Variants in TIAM1 observed in about 807,000 individuals in gnomAD.
TIAM1 encodes the protein TIAM Rac1 associated GEF 1, also known as rho guanine nucleotide exchange factor TIAM1.
TIAM1 carries 65 observed loss-of-function variants against 163.5 expected under a neutral mutation model. The observed-to-expected ratio is 0.40, with a 90% CI of 0.33 to 0.49. TIAM1 has a LOEUF of 0.49. TIAM1 is among the 20% of genes least tolerant of loss of function. The pLI, the probability that TIAM1 is intolerant of heterozygous loss-of-function variation, is 0.77. For synonymous variants in TIAM1, 833 were observed against 810.1 expected, an observed-to-expected ratio of 1.03 and a Z score of -0.48; for missense variants, 1,789 against 2,044.7, an observed-to-expected ratio of 0.87 and a Z score of 2.41.
At chr21:31,491,935 T>A (rs149219576) in intron 1 of TIAM1, among the ~76,000 whole-genome samples, 9 of 152,310 alleles carry the variant, frequency 5.9e-5, no homozygotes, top group African/African-American at 1.9e-4. Flanking sequence ...AAACAAAAGA[T>A]AACACCATCT....
At chr21:31,523,141 T>A (rs2047662277) in intron 1 of TIAM1, among the ~76,000 whole-genome samples, 1 of 152,226 alleles carries the variant, frequency 6.6e-6, no homozygotes, top group East Asian at 1.9e-4. Context: ...CAAAGAGAGG[T>A]AAATCAAACA....
intron 6 of TIAM1, among the ~76,000 whole-genome samples, chr21:31,230,449 T>C (rs1206694819): frequency 6.6e-6 from 1 of 152,140 alleles, no homozygotes; most frequent in Non-Finnish European, 1.5e-5. Flanking sequence ...TTGTTTAATA[T>C]GACATACTGA....
At chr21:31,234,208 T>C (rs1279332917) in intron 6 of TIAM1, among the ~76,000 whole-genome samples, 1 of 150,342 alleles carries the variant, frequency 6.7e-6, no homozygotes, top group Admixed American at 6.6e-5. Flanking sequence ...AAAGCTTCCC[T>C]AAAATCTACA....
Position 31,171,035 on chromosome 21 carries a change from C to CAAAAAAA in TIAM1, c.2888-5977_2888-5971dup, listed in dbSNP as rs34291568. 6.1e-4 allele frequency among the ~76,000 whole-genome samples: 12 copies of CAAAAAAA among 19,572 alleles called. 1 individual carries two copies. The highest frequency in any genetic ancestry group is 1.2e-3 in the African/African-American group (12 of 10,038). 12.8% of individuals were successfully genotyped at this position (19,572 alleles called of 152,430 possible). On this transcript the variant is annotated intron_variant, in intron 15 of 27. Coordinates refer to ENST00000541036, the MANE Select transcript of TIAM1 (RefSeq NM_001353694.2). ...TGGGTGACAGAGTGAGACTCCATCT[C>CAAAAAAA]AAAAAAAAAAAAAAAAAAAAAAAAA...
rs748195925 is a variant in TIAM1, at chr21:31,130,220, C to G, written c.4038G>C (p.Ala1346=). 6.2e-7 allele frequency: 1 copy of G among 1,614,006 alleles called. No individual in the cohort carries two copies. The highest frequency in any genetic ancestry group is 1.7e-5 in the Admixed American group (1 of 60,016). ...GCACAGGTGAGAGTTTACCTGCACT[C>G]GCCAAAGCTCGAACCTGCAGCGCTT... ...PTEALQVRAL[A]SADAEANAVC... is the part of the protein sequence containing the mutation. The change falls in exon 25 of 28, where the codon GCG becomes GCC. Residue 1346 remains alanine, a synonymous_variant. Coordinates refer to ENST00000541036, the MANE Select transcript of TIAM1 (RefSeq NM_001353694.2).
At chr21:31,200,203 G>C (rs189492976) in intron 12 of TIAM1, among the ~76,000 whole-genome samples, 45 of 152,266 alleles carry the variant, frequency 3.0e-4, no homozygotes, top group African/African-American at 9.4e-4. Flanking sequence ...TGGGTGTGGT[G>C]GTGGGCAACT....
At position 31,329,716 on chromosome 21, in the gene TIAM1, TGAG is replaced by T. The variant is rs1294762486; in HGVS notation, c.-189+9524_-189+9526del. On this transcript the variant is annotated intron_variant, in intron 2 of 27. Coordinates refer to ENST00000541036, the MANE Select transcript of TIAM1 (RefSeq NM_001353694.2). Reference sequence around the variant, plus strand: ...TAGAGTATCAGAGCCTCCTGCTTGATGAGGGATTCTCCCCTGCTGCCCAGTGAC... The same window carrying T: ...TAGAGTATCAGAGCCTCCTGCTTGATGGATTCTCCCCTGCTGCCCAGTGAC... Among the ~76,000 whole-genome samples, 10 of 152,284 alleles carry T rather than the reference TGAG, an allele frequency of 6.6e-5. No individual in the cohort carries two copies. The South Asian group carries it at 1.0e-3, about 16-fold the overall frequency.
chr21:31,165,992 T>C (rs1421767155), intron 15 of TIAM1, among the ~76,000 whole-genome samples: 3 of 152,248 alleles, frequency 2.0e-5, no homozygotes, highest in Admixed American at 6.5e-5. Flanking sequence ...AGTGGTCCTC[T>C]GCGTTGAGAA....
At chr21:31,256,170 A>G (rs1213380184) in intron 4 of TIAM1, among the ~76,000 whole-genome samples, 5 of 152,188 alleles carry the variant, frequency 3.3e-5, no homozygotes, top group Admixed American at 6.5e-5. Context: ...CTAATGACAC[A>G]TTGTGGTAAG....
At chr21:31,265,032 G>C (rs182307030) in intron 4 of TIAM1, among the ~76,000 whole-genome samples, 1 of 152,176 alleles carries the variant, frequency 6.6e-6, no homozygotes, top group East Asian at 1.9e-4. Context: ...TATTGACACA[G>C]AGTCTCACTA....
intron 1 of TIAM1, among the ~76,000 whole-genome samples, chr21:31,521,496 T>C (rs892839815): frequency 6.6e-6 from 1 of 152,056 alleles, no homozygotes; most frequent in African/African-American, 2.4e-5. Flanking sequence ...AGTGATTTGG[T>C]AGGTGGAGGC....
In TIAM1 at chr21:31,120,550, A is replaced by G. The variant is rs1240738785; in HGVS notation, c.4594T>C (p.Ser1532Pro). 6.2e-7 allele frequency: 1 copy of G among 1,614,162 alleles called. No individual in the cohort carries two copies. The highest frequency in any genetic ancestry group is 8.5e-7 in the Non-Finnish European group (1 of 1,180,038). The change falls in exon 28 of 28, where the codon TCC becomes CCC. Residue 1532 changes from serine (S) to proline (P), a missense_variant. Physicochemically the swap from Ser to Pro is moderately conservative, Grantham distance 74 (BLOSUM62 -1). This residue lies in a region of TIAM1 where 415 missense variants were observed against 439.2 expected (regional missense o/e 0.94). Coordinates refer to ENST00000541036, the MANE Select transcript of TIAM1 (RefSeq NM_001353694.2). The surrounding 1 kb of genome is among the most constrained non-coding windows in gnomAD (Gnocchi z 4.2). ...CGGCCTCTTTCCCGCTGACTGATGGAGGTGGCCTGAAGCCGCTCCTGCAGG... is the reference window on the plus strand; with the variant it reads ...CGGCCTCTTTCCCGCTGACTGATGGGGGTGGCCTGAAGCCGCTCCTGCAGG... ...RDLQERLQAT[S>P]ISQRERGRKT... is the part of the protein sequence containing the mutation.
intron 2 of TIAM1, among the ~76,000 whole-genome samples, chr21:31,400,213 C>T (rs1441460079): frequency 6.6e-6 from 1 of 151,966 alleles, no homozygotes; most frequent in Admixed American, 6.6e-5. Context: ...CTGCAACCTC[C>T]ACCCCCTGGG....
At chr21:31,469,035 G>A (rs1396036752) in intron 1 of TIAM1, among the ~76,000 whole-genome samples, 1 of 150,984 alleles carries the variant, frequency 6.6e-6, no homozygotes, top group Non-Finnish European at 1.5e-5. Flanking sequence ...TTCAGTTCTA[G>A]GGAACAAAGG....
chr21:31,231,696 G>T (rs2088442306), intron 6 of TIAM1, among the ~76,000 whole-genome samples: 1 of 152,094 alleles, frequency 6.6e-6, no homozygotes, highest in Non-Finnish European at 1.5e-5. Flanking sequence ...ATGTAATGGG[G>T]ACCGCATTTA....
intron 11 of TIAM1, among the ~76,000 whole-genome samples, chr21:31,209,677 G>A (rs139123870): frequency 3.3e-5 from 5 of 152,276 alleles, no homozygotes; most frequent in African/African-American, 4.8e-5. Context: ...ATGGTCAAAC[G>A]CCAAAATGTT....
Position 31,119,461 on chromosome 21 carries a change from T to C in TIAM1, c.*907A>G, listed in dbSNP as rs17551019. ...ACCAAACTCCCATCTCAAATATAGA[T>C]TCAAACATTAAAAAAAAAAAATCCG... On this transcript the variant is annotated 3_prime_UTR_variant, in exon 28 of 28. Transcript: ENST00000541036. The C allele has an allele frequency of 0.023, 3,219 of 137,772 alleles. 48 individuals are homozygous for C. Among genetic ancestry groups the C allele is most frequent in the Middle Eastern group, 0.051 (14 of 276 alleles). 8.5% of individuals were successfully genotyped at this position (137,772 alleles called of 1,614,324 possible).
At chr21:31,473,144 A>G (rs2045807938) in intron 1 of TIAM1, among the ~76,000 whole-genome samples, 1 of 152,130 alleles carries the variant, frequency 6.6e-6, no homozygotes, top group Non-Finnish European at 1.5e-5. Flanking sequence ...CAAAAAGAAC[A>G]TGGCAGCCAG....
rs113430878 is a variant in TIAM1, at chr21:31,296,716, T to G, written c.-188-19808A>C. 2.6e-3 allele frequency among the ~76,000 whole-genome samples: 393 copies of G among 151,906 alleles called. 1 individual carries two copies. Among genetic ancestry groups the G allele is most frequent in the Middle Eastern group, 0.014 (4 of 292 alleles). On this transcript the variant is annotated intron_variant, in intron 2 of 27. Coordinates refer to ENST00000541036, the MANE Select transcript of TIAM1 (RefSeq NM_001353694.2). ...TCTCGCTCTGTCACCCAGGCTGGAGTGCAGTGGTGCGATCTCAGCTTACTG... is the reference window on the plus strand; with the variant it reads ...TCTCGCTCTGTCACCCAGGCTGGAGGGCAGTGGTGCGATCTCAGCTTACTG...
Sources: allele counts gnomAD v4.1 joint callset (sites outside exome capture counted in the v4.1 genomes callset), GRCh38; gene constraint gnomAD v4.1.1; regional missense constraint gnomAD v4.1.1; non-coding constraint Gnocchi (gnomAD v3.1); transcripts MANE v1.5; gene names NCBI Gene and HGNC (gene_info 2026-07-23, HGNC 2026-07-21).